The following NEMF variants were observed in gnomAD, a reference collection of about 807,000 sequenced individuals.
NEMF encodes the protein nuclear export mediator factor, also known as ribosome quality control complex subunit NEMF.
Under a neutral mutation model 162.2 loss-of-function variants are expected in NEMF, and 89 were observed. That is an observed-to-expected ratio of 0.55 (90% CI 0.46 to 0.65). The LOEUF (loss-of-function observed/expected upper bound fraction) is 0.65. Ranked by LOEUF, NEMF falls within the 30% of genes least tolerant of loss-of-function variation. The pLI, the probability that NEMF is intolerant of heterozygous loss-of-function variation, is 0.00. For synonymous variants in NEMF, 421 were observed against 404.5 expected (o/e 1.04, Z -0.49); for missense variants, 1,133 against 1,261.9 (o/e 0.90, Z 1.55).
intron 16 of NEMF, among the ~76,000 whole-genome samples, chr14:49,817,343 TGAGGCAGAATTGCTTGAACCCAG>T (rs1054609154): frequency 2.0e-5 from 3 of 152,164 alleles, no homozygotes; most frequent in Admixed American, 2.0e-4. Context: ...CTCAGAGGGC[TGAGGCAGAATTGCTTGAACCCAG>T]GAGGCAGAAG....
At position 49,795,882 on chromosome 14, in the gene NEMF, T is replaced by A; in HGVS notation, c.2528A>T (p.Asp843Val). ...SGDLEALEGKDKEKESTVHIE... is the reference protein window; with the variant it reads ...SGDLEALEGKVKEKESTVHIE... ...GTGTACAGTACTTTCTTTTTCTTTATCCTTTCCCTCTAACGCTTCTAAATC... is the reference window on the plus strand; with the variant it reads ...GTGTACAGTACTTTCTTTTTCTTTAACCTTTCCCTCTAACGCTTCTAAATC... Residue 843 changes from aspartate (D) to valine (V), a missense_variant, in exon 26 of 33, where the codon GAT (aspartate) becomes GTT (valine). Asp to Val is a radical substitution (Grantham distance 152). Around this residue, in one of 3 missense-constraint regions of NEMF, gnomAD observed 532 missense variants for 578.6 expected, o/e 0.92. Coordinates refer to ENST00000298310, the MANE Select transcript of NEMF (RefSeq NM_004713.6). The A allele has an allele frequency of 6.2e-7, 1 of 1,613,220 alleles. No individual in the cohort carries two copies. Among genetic ancestry groups the A allele is most frequent in the African/African-American group, 1.3e-5 (1 of 75,006 alleles).
At chr14:49,850,024 T>C (rs1221666768) in intron 3 of NEMF, among the ~76,000 whole-genome samples, 1 of 152,180 alleles carries the variant, frequency 6.6e-6, no homozygotes, top group African/African-American at 2.4e-5. Context: ...CCATAACAGA[T>C]ACATTGCCAA....
intron 4 of NEMF, among the ~76,000 whole-genome samples, chr14:49,844,634 GT>G: frequency 6.6e-6 from 1 of 151,554 alleles, no homozygotes; most frequent in South Asian, 2.1e-4. Context: ...CACTAAATTT[GT>G]TTTTTATTTT....
rs141156781 is a variant in NEMF at position 49,805,234 on chromosome 14, A to G, written c.1857+787T>C. Among the ~76,000 whole-genome samples the G allele has an allele frequency of 1.4e-4, 21 of 152,366 alleles. No individual in the cohort carries two copies. The East Asian group carries it at 2.1e-3, about 15-fold the overall frequency. Reference sequence around the variant, plus strand: ...AAACTAAATCTAAGGGAGTATAATGAAACTGAATTCTTTTTATCCTACTGT... The same window carrying G: ...AAACTAAATCTAAGGGAGTATAATGGAACTGAATTCTTTTTATCCTACTGT... On this transcript the variant is annotated intron_variant, in intron 19 of 32. Coordinates refer to ENST00000298310, the MANE Select transcript of NEMF (RefSeq NM_004713.6).
chr14:49,789,710 T>A (rs1207196363), intron 26 of NEMF, 137 bp from the exon 27 acceptor site: 5 of 1,246,602 alleles, frequency 4.0e-6, no homozygotes, highest in Non-Finnish European at 5.4e-6. Context: ...ATAAACAATA[T>A]GAAGGCTACA....
chr14:49,834,225 G>A (rs1412670658), intron 7 of NEMF, 138 bp downstream of exon 7: 1 of 628,792 alleles, frequency 1.6e-6, no homozygotes. Flanking sequence ...CAAAGTGCTG[G>A]GATTGCAGGC....
At chr14:49,787,567 A>G (rs1344146108) in intron 28 of NEMF, among the ~76,000 whole-genome samples, 1 of 152,114 alleles carries the variant, frequency 6.6e-6, no homozygotes, top group Non-Finnish European at 1.5e-5. Context: ...GCAAAAGGGC[A>G]CTCATCTCAT....
Position 49,806,116 on chromosome 14 carries a change from G to T in NEMF, c.1762C>A (p.Arg588=). 7 of 1,611,376 alleles carry T rather than the reference G, an allele frequency of 4.3e-6. No homozygotes were observed. Among genetic ancestry groups the T allele is most frequent in the Non-Finnish European group, 5.9e-6 (7 of 1,179,030 alleles). The change falls in exon 19 of 33, where the codon CGG becomes AGG. Residue 588 remains arginine, a synonymous_variant. Transcript: ENST00000298310. ...KNPTGEPIPP[R]TLTEAGTMAL... is the part of the protein sequence containing the mutation. ...ATTGTGCCAGCTTCAGTCAAGGTCC[G>T]TGGGGGGATGGGTTCTCCTAGAATA... is the stretch of plus-strand genomic sequence containing the variant.
chr14:49,810,890 T>G (rs1039117397), intron 18 of NEMF, among the ~76,000 whole-genome samples: 1 of 151,958 alleles, frequency 6.6e-6, no homozygotes, highest in Non-Finnish European at 1.5e-5. Context: ...ACTCAGGAGG[T>G]TGAGATGGGA....
intron 4 of NEMF, among the ~76,000 whole-genome samples, chr14:49,845,249 C>T (rs759953831): frequency 6.6e-6 from 1 of 152,192 alleles, no homozygotes; most frequent in South Asian, 2.1e-4. Flanking sequence ...CCCGCCACCA[C>T]GCCCAGCTAA....
At chr14:49,839,840 T>TA (rs1210780354) in intron 5 of NEMF, 1 of 152,122 alleles carries the variant, frequency 6.6e-6, no homozygotes, top group African/African-American at 2.4e-5. Flanking sequence ...ATTTTAAATT[T>TA]AAAATTTAAA....
At chr14:49,795,216 C>T (rs921023225) in intron 26 of NEMF, among the ~76,000 whole-genome samples, 6 of 151,802 alleles carry the variant, frequency 4.0e-5, no homozygotes, top group East Asian at 3.9e-4. Context: ...TGCACCTGTG[C>T]GGTCCCAGCT....
Position 49,851,680 on chromosome 14 carries a change from A to T in NEMF, c.129-15T>A, listed in dbSNP as rs1893783507. ...TAAAGTCCGGTCTGTAGAAGAAAAA[A>T]GTCGAATTTTTCTTTAGGGTATATG... On this transcript the variant is annotated splice_polypyrimidine_tract_variant and intron_variant, in intron 2 of 32. Transcript: ENST00000298310. The T allele has an allele frequency of 6.2e-7, 1 of 1,607,582 alleles. No homozygotes were observed. Among genetic ancestry groups the T allele is most frequent in the Non-Finnish European group, 8.5e-7 (1 of 1,174,354 alleles).
Position 49,783,329 on chromosome 14 carries a change from T to C in NEMF, c.*1307A>G, listed in dbSNP as rs1328263350. 6.4e-6 allele frequency: 1 copy of C among 155,246 alleles called. No homozygotes were observed. The highest frequency in any genetic ancestry group is 1.9e-4 in the East Asian group (1 of 5,298). The allele number at this position is 155,246 out of a possible 1,614,324, so 9.6% of individuals were successfully genotyped here. A position where few individuals can be genotyped will look rare whatever the true frequency, so the allele number is the denominator to read the frequency against. On this transcript the variant is annotated 3_prime_UTR_variant, in exon 33 of 33. Coordinates refer to ENST00000298310, the MANE Select transcript of NEMF (RefSeq NM_004713.6). ...TTTTTTTAATGGCAAGAGTAGTCTATAGTTATGTAACCTAGTGTTGTAAAT... is the reference window on the plus strand; with the variant it reads ...TTTTTTTAATGGCAAGAGTAGTCTACAGTTATGTAACCTAGTGTTGTAAAT...
intron 5 of NEMF, 75 bp from the exon 6 acceptor site, chr14:49,838,281 T>C (rs1307338465): frequency 1.7e-6 from 2 of 1,155,744 alleles, no homozygotes; most frequent in Non-Finnish European, 1.3e-6. Flanking sequence ...AATACTACTT[T>C]CATCTGTATC....
chr14:49,848,088 A>T (rs1445019766), intron 3 of NEMF, among the ~76,000 whole-genome samples: 1 of 151,392 alleles, frequency 6.6e-6, no homozygotes, highest in East Asian at 1.9e-4. Flanking sequence ...GGCAAGGCTC[A>T]AACTCCTGGA....
At chr14:49,851,760 T>C in intron 2 of NEMF, 47 bp downstream of exon 2, 1 of 1,451,852 alleles carries the variant, frequency 6.9e-7, no homozygotes, top group Non-Finnish European at 9.6e-7. Context: ...ATCAGTAATC[T>C]CATACTTAAT....
chr14:49,786,602 T>TTA (rs1890190447), intron 29 of NEMF, 116 bp downstream of exon 29: 1 of 969,914 alleles, frequency 1.0e-6, no homozygotes, highest in Non-Finnish European at 1.6e-6. Flanking sequence ...AAGTTTGACT[T>TTA]CGTAGCCTGC....
intron 25 of NEMF, among the ~76,000 whole-genome samples, chr14:49,797,840 A>G (rs905924741): frequency 2.6e-5 from 4 of 152,228 alleles, no homozygotes; most frequent in East Asian, 1.9e-4. Context: ...TCATTGTGTT[A>G]TAACTTTGAT....
Sources: allele counts gnomAD v4.1 joint callset (sites outside exome capture counted in the v4.1 genomes callset), GRCh38; gene constraint gnomAD v4.1.1; regional missense constraint gnomAD v4.1.1; transcripts MANE v1.5; gene names NCBI Gene and HGNC (gene_info 2026-07-23, HGNC 2026-07-21).